FHIP1A: variants seen among roughly 807,000 people sequenced by gnomAD.
FHIP1A encodes FHF complex subunit HOOK-interacting protein 1A.
In FHIP1A, 61 loss-of-function variants were observed where a neutral mutation model predicts 88.6. The observed-to-expected ratio is 0.69, with a 90% CI of 0.56 to 0.85. The LOEUF is 0.85. FHIP1A is among the 40% of genes least tolerant of loss of function. FHIP1A has a pLI of 0.00. For synonymous variants in FHIP1A, 478 were observed against 496.0 expected, an observed-to-expected ratio of 0.96 and a Z score of 0.48; for missense variants, 1,154 against 1,273.5, an observed-to-expected ratio of 0.91 and a Z score of 1.43.
At position 151,481,118 on chromosome 4, in the gene FHIP1A, C is replaced by A. The variant is rs967136962; in HGVS notation, c.-247-1406C>A. 5.3e-5 allele frequency among the ~76,000 whole-genome samples: 8 copies of A among 151,962 alleles called. No individual in the cohort carries two copies. The South Asian group carries it at 8.3e-4, about 16-fold the overall frequency. ...CCCTCAACCCATCTAAAGATAGGAACTATTTTACCTATTATTTGTAACTAT... is the reference window on the plus strand; with the variant it reads ...CCCTCAACCCATCTAAAGATAGGAAATATTTTACCTATTATTTGTAACTAT... On this transcript the variant is annotated intron_variant, in intron 2 of 13. Transcript: ENST00000435205.
chr4:151,410,445 A>C (rs1732578821), intron 1 of FHIP1A, among the ~76,000 whole-genome samples: 1 of 152,256 alleles, frequency 6.6e-6, no homozygotes, highest in Admixed American at 6.5e-5. Flanking sequence ...TCATCTCATT[A>C]GGAAGTCAGC....
intron 3 of FHIP1A, among the ~76,000 whole-genome samples, chr4:151,512,509 A>G (rs2126679688): frequency 6.6e-6 from 1 of 152,342 alleles, no homozygotes; most frequent in East Asian, 1.9e-4. Context: ...ACTCCGAGCT[A>G]CAGGAGGAAA....
intron 3 of FHIP1A, among the ~76,000 whole-genome samples, chr4:151,512,878 G>T (rs1731091398): frequency 6.6e-6 from 1 of 152,220 alleles, no homozygotes; most frequent in Non-Finnish European, 1.5e-5. Context: ...AAAACACTGT[G>T]CAGGATATTA....
At chr4:151,634,833 A>T (rs1301417862) in intron 8 of FHIP1A, among the ~76,000 whole-genome samples, 1 of 151,862 alleles carries the variant, frequency 6.6e-6, no homozygotes, top group African/African-American at 2.4e-5. Flanking sequence ...CTTCATAGCA[A>T]TGGATTTTGT....
intron 2 of FHIP1A, among the ~76,000 whole-genome samples, chr4:151,472,554 A>T (rs904856284): frequency 3.3e-5 from 5 of 151,154 alleles, no homozygotes; most frequent in African/African-American, 1.2e-4. Flanking sequence ...ATTGCCAAGG[A>T]TGTTTATTAC....
chr4:151,563,353 A>C (rs1220414059), intron 3 of FHIP1A, among the ~76,000 whole-genome samples: 1 of 152,160 alleles, frequency 6.6e-6, no homozygotes, highest in Admixed American at 6.5e-5. Flanking sequence ...AAGATAAAAA[A>C]AAAATCACTC....
chr4:151,581,025 T>G lies in FHIP1A; in HGVS notation c.732+2949T>G, dbSNP rs185750480. 9.1e-3 allele frequency among the ~76,000 whole-genome samples: 1,381 copies of G among 152,128 alleles called. 14 individuals carry two copies. Among genetic ancestry groups the G allele is most frequent in the Non-Finnish European group, 0.015 (1,016 of 67,994 alleles). ...GGCGTGTGCCACCACGCCCAGGTAATTTTTTGTATTTTTAGTAGAGACAGA... is the reference window on the plus strand; with the variant it reads ...GGCGTGTGCCACCACGCCCAGGTAAGTTTTTGTATTTTTAGTAGAGACAGA... On this transcript the variant is annotated intron_variant, in intron 5 of 13. Transcript: ENST00000435205.
intron 3 of FHIP1A, among the ~76,000 whole-genome samples, chr4:151,560,665 G>C (rs555782327): frequency 6.6e-6 from 1 of 152,106 alleles, no homozygotes; most frequent in Admixed American, 6.6e-5. Context: ...ATACTATCAA[G>C]AGTACAGTGA....
chr4:151,526,184 G>A lies in FHIP1A; in HGVS notation c.-122-39954G>A, dbSNP rs185758484. Among the ~76,000 whole-genome samples the A allele has an allele frequency of 6.7e-3, 1,015 of 152,190 alleles. 13 individuals are homozygous for A. The highest frequency in any genetic ancestry group is 0.023 in the African/African-American group (943 of 41,562). ...TTCCACACAGACACGGCAACCATCC[G>A]ATTTCTCAATCTCTTCCCCACCCTT... On this transcript the variant is annotated intron_variant, in intron 3 of 13. Transcript: ENST00000435205.
intron 3 of FHIP1A, among the ~76,000 whole-genome samples, chr4:151,559,832 G>A (rs983966568): frequency 3.8e-4 from 58 of 152,240 alleles, no homozygotes; most frequent in Non-Finnish European, 8.8e-5. Flanking sequence ...ATATCTGTGT[G>A]ACTTTCATGA....
At chr4:151,573,875 G>T (rs77252688) in intron 4 of FHIP1A, among the ~76,000 whole-genome samples, 4,901 of 152,276 alleles carry the variant, frequency 0.032, 108 homozygotes, top group Non-Finnish European at 0.05. Context: ...TCACATCAGA[G>T]ATCAGTTTAT....
intron 7 of FHIP1A, among the ~76,000 whole-genome samples, chr4:151,627,424 A>G (rs929868184): frequency 6.6e-6 from 1 of 152,294 alleles, no homozygotes; most frequent in Non-Finnish European, 1.5e-5. Context: ...TTAAGGGGGG[A>G]AAAGCTGATG....
intron 3 of FHIP1A, among the ~76,000 whole-genome samples, chr4:151,491,212 A>G (rs1023256476): frequency 6.6e-6 from 1 of 152,204 alleles, no homozygotes; most frequent in Non-Finnish European, 1.5e-5. Context: ...AAGTCAAGAC[A>G]AAGAAAAGAA....
intron 7 of FHIP1A, among the ~76,000 whole-genome samples, chr4:151,598,396 G>C (rs1164765618): frequency 6.6e-6 from 1 of 152,124 alleles, no homozygotes; most frequent in East Asian, 1.9e-4. Flanking sequence ...GATGAACCGG[G>C]TGCCTCAATG....
In FHIP1A at chr4:151,665,888, G is replaced by A. The variant is rs918586215; in HGVS notation, c.*3134G>A. ...TATGTGACAGGCTCCTACACCAGTC[G>A]CTGTGCTCCTTGCTGGAAGAATGTA... On this transcript the variant is annotated 3_prime_UTR_variant, in exon 14 of 14. Coordinates refer to ENST00000435205, the MANE Select transcript of FHIP1A (RefSeq NM_001109977.3). Among the ~76,000 whole-genome samples, 12 of 152,216 alleles carry A rather than the reference G, an allele frequency of 7.9e-5. No homozygotes were observed. The highest frequency in any genetic ancestry group is 4.1e-4 in the South Asian group (2 of 4,830).
At chr4:151,537,377 A>G (rs890500933) in intron 3 of FHIP1A, among the ~76,000 whole-genome samples, 1 of 152,158 alleles carries the variant, frequency 6.6e-6, no homozygotes, top group South Asian at 2.1e-4. Context: ...AGTAATGTTG[A>G]ACTTTTTTCA....
intron 3 of FHIP1A, among the ~76,000 whole-genome samples, chr4:151,540,043 G>C (rs1282719068): frequency 6.6e-6 from 1 of 152,186 alleles, no homozygotes; most frequent in African/African-American, 2.4e-5. Context: ...ATGCAAGAAA[G>C]ACAACTTTGA....
At chr4:151,640,980 C>G (rs182763738) in intron 9 of FHIP1A, among the ~76,000 whole-genome samples, 1 of 151,608 alleles carries the variant, frequency 6.6e-6, no homozygotes, top group Non-Finnish European at 1.5e-5. Flanking sequence ...ATAGTCATTT[C>G]TAGGGTGGGT....
At chr4:151,451,600 T>A (rs1728790805) in intron 1 of FHIP1A, among the ~76,000 whole-genome samples, 1 of 152,176 alleles carries the variant, frequency 6.6e-6, no homozygotes, top group South Asian at 2.1e-4. Flanking sequence ...CACCAAGAAC[T>A]ACAGAAGTAG....
Sources: gnomAD v4.1 joint callset for allele counts (sites outside exome capture counted in the v4.1 genomes callset) on GRCh38, gnomAD v4.1.1 for gene constraint, MANE v1.5 for transcripts, NCBI Gene and HGNC (gene_info 2026-07-23, HGNC 2026-07-21) for gene names.